Variants in MARCHF1 observed in about 807,000 individuals in gnomAD.
MARCHF1 encodes E3 ubiquitin-protein ligase MARCHF1.
A neutral mutation model predicts 54.2 loss-of-function variants in MARCHF1; 40 were observed. The observed-to-expected ratio is 0.74, with a 90% CI of 0.57 to 0.96. The LOEUF (loss-of-function observed/expected upper bound fraction) is 0.96, where lower values mean the gene tolerates loss of function less well. MARCHF1 is among the 40% of genes least tolerant of loss of function. The probability of loss-of-function intolerance (pLI) is 0.00; values close to 1 mark genes in which losing one functional copy is unlikely to be tolerated. For missense variants in MARCHF1, 586 were observed against 656.5 expected (o/e 0.89, Z 1.17); for synonymous variants, 236 against 236.3 (o/e 1.00, Z 0.01).
At chr4:164,197,760 C>T in intron 1 of MARCHF1, 2 of 1,609,868 alleles carry the variant, frequency 1.2e-6, no homozygotes, top group Non-Finnish European at 1.7e-6. Context: ...CGAATTCAAT[C>T]AATAAACCTC....
intron 5 of MARCHF1, among the ~76,000 whole-genome samples, chr4:163,639,502 G>A (rs555296770): frequency 2.0e-5 from 3 of 152,144 alleles, no homozygotes; most frequent in Admixed American, 2.0e-4. Context: ...ATATTTTGAT[G>A]GCATAATGCC....
intron 4 of MARCHF1, among the ~76,000 whole-genome samples, chr4:163,707,363 G>T (rs1280983908): frequency 6.6e-6 from 1 of 151,888 alleles, no homozygotes; most frequent in Non-Finnish European, 1.5e-5. Context: ...TCACAAGAGA[G>T]GCAACAGTAA....
chr4:164,274,138 G>A (rs1733812081), intron 1 of MARCHF1, among the ~76,000 whole-genome samples: 1 of 151,936 alleles, frequency 6.6e-6, no homozygotes, highest in African/African-American at 2.4e-5. Context: ...AGACAGTGAT[G>A]GTAAATCATT....
At chr4:164,154,297 G>C (rs971773415) in intron 1 of MARCHF1, among the ~76,000 whole-genome samples, 1 of 152,174 alleles carries the variant, frequency 6.6e-6, no homozygotes, top group African/African-American at 2.4e-5. Flanking sequence ...GGTAGAATTA[G>C]ATCTTTTAGA....
chr4:164,336,496 G>A (rs879652310), intron 1 of MARCHF1, among the ~76,000 whole-genome samples: 6 of 152,030 alleles, frequency 3.9e-5, no homozygotes, highest in African/African-American at 9.7e-5. Flanking sequence ...AAAGTTATAC[G>A]CTTTTTCTAT....
chr4:163,890,783 A>G (rs1052431936), intron 3 of MARCHF1, among the ~76,000 whole-genome samples: 3 of 152,160 alleles, frequency 2.0e-5, no homozygotes, highest in Admixed American at 6.6e-5. Flanking sequence ...TGCTGGGATT[A>G]TAGGTTTGAC....
intron 1 of MARCHF1, among the ~76,000 whole-genome samples, chr4:164,237,320 C>T (rs1268680315): frequency 6.6e-6 from 1 of 152,112 alleles, no homozygotes; most frequent in Non-Finnish European, 1.5e-5. Context: ...CTCAGTTAAA[C>T]ATGAAGCACT....
At chr4:164,330,174 TA>T (rs10713917) in intron 1 of MARCHF1, 64,056 of 143,568 alleles carry the variant, frequency 0.45, 13,978 homozygotes, top group Non-Finnish European at 0.49. Context: ...GAAGGAAGGT[TA>T]AAAAAAAAAA....
intron 5 of MARCHF1, among the ~76,000 whole-genome samples, chr4:163,661,592 T>G (rs1446569397): frequency 6.6e-6 from 1 of 152,090 alleles, no homozygotes. Flanking sequence ...TTTTGATACT[T>G]TAAAAAGTTT....
chr4:163,771,352 C>A (rs990405812), intron 4 of MARCHF1, among the ~76,000 whole-genome samples: 2 of 152,126 alleles, frequency 1.3e-5, no homozygotes, highest in African/African-American at 4.8e-5. Flanking sequence ...TAAGATTCAC[C>A]TGGGGAGCTG....
At chr4:163,702,493 C>T (rs959943913) in intron 4 of MARCHF1, among the ~76,000 whole-genome samples, 1 of 152,074 alleles carries the variant, frequency 6.6e-6, no homozygotes, top group African/African-American at 2.4e-5. Context: ...CATTTGAGAA[C>T]ATGATTAAGA....
intron 1 of MARCHF1, among the ~76,000 whole-genome samples, chr4:164,144,261 A>T (rs914204585): frequency 6.6e-6 from 1 of 151,636 alleles, no homozygotes; most frequent in African/African-American, 2.4e-5. Flanking sequence ...AGACAGATCA[A>T]TGAGACAGAA....
Position 164,285,096 on chromosome 4 carries a change from G to A in MARCHF1, c.-323+98774C>T, listed in dbSNP as rs75651821. On this transcript the variant is annotated intron_variant, in intron 1 of 9. Coordinates refer to ENST00000514618, the MANE Select transcript of MARCHF1 (RefSeq NM_001394959.1). ...TTATAATAAGAAACTACCTGACTCT[G>A]CTGAACAATTACATACCTATCTATT... Among the ~76,000 whole-genome samples the A allele has an allele frequency of 0.017, 2,549 of 152,272 alleles. 205 individuals carry two copies. The East Asian group carries it at 0.23, about 14-fold the overall frequency.
intron 7 of MARCHF1, among the ~76,000 whole-genome samples, chr4:163,611,737 C>T (rs894473069): frequency 6.6e-6 from 1 of 152,096 alleles, no homozygotes; most frequent in South Asian, 2.1e-4. Flanking sequence ...CCTACAGGCT[C>T]TTGCAACCCC....
chr4:164,142,114 G>C (rs977896287), intron 1 of MARCHF1, among the ~76,000 whole-genome samples: 4 of 152,298 alleles, frequency 2.6e-5, no homozygotes, highest in South Asian at 2.1e-4. Flanking sequence ...CTTTTCCAAC[G>C]GGCTTAAAAC....
intron 5 of MARCHF1, among the ~76,000 whole-genome samples, chr4:163,648,625 A>G (rs1412496959): frequency 6.6e-6 from 1 of 151,438 alleles, no homozygotes; most frequent in East Asian, 1.9e-4. Flanking sequence ...AAAAAAAAAA[A>G]AAAACTAGAG....
chr4:163,721,267 T>A (rs1221166590), intron 4 of MARCHF1, among the ~76,000 whole-genome samples: 1 of 152,262 alleles, frequency 6.6e-6, no homozygotes, highest in Admixed American at 6.5e-5. Context: ...AAAGGTCTTC[T>A]CTGCATTTAT....
chr4:163,792,479 A>G (rs1438971945), intron 4 of MARCHF1, among the ~76,000 whole-genome samples: 1 of 152,024 alleles, frequency 6.6e-6, no homozygotes, highest in African/African-American at 2.4e-5. Context: ...CAATATTTGC[A>G]TTTCATATTT....
At chr4:163,699,241 G>A (rs1224230018) in intron 5 of MARCHF1, among the ~76,000 whole-genome samples, 1 of 151,810 alleles carries the variant, frequency 6.6e-6, no homozygotes, top group Non-Finnish European at 1.5e-5. Flanking sequence ...TGCATGTCTT[G>A]CAAGCACACA....
Sources: allele counts gnomAD v4.1 joint callset (sites outside exome capture counted in the v4.1 genomes callset), GRCh38; gene constraint gnomAD v4.1.1; transcripts MANE v1.5; gene names NCBI Gene and HGNC (gene_info 2026-07-23, HGNC 2026-07-21).